Variants in ENPP6 observed in about 807,000 individuals in gnomAD.
ENPP6 encodes glycerophosphocholine cholinephosphodiesterase ENPP6.
A neutral mutation model predicts 42.0 loss-of-function variants in ENPP6; 32 were observed. That is an observed-to-expected ratio of 0.76 (90% CI 0.58 to 1.02). The LOEUF is 1.02. Among genes scored for constraint, ENPP6 ranks in the 50% least tolerant of loss-of-function variants. ENPP6 has a pLI of 0.00. For missense variants in ENPP6, 552 were observed against 566.8 expected (o/e 0.97, Z 0.27); for synonymous variants, 213 against 216.0 (o/e 0.99, Z 0.12).
At chr4:184,148,059 T>C (rs146203499) in intron 2 of ENPP6, among the ~76,000 whole-genome samples, 66 of 152,346 alleles carry the variant, frequency 4.3e-4, no homozygotes, top group Non-Finnish European at 8.1e-4. Context: ...TATTAGATGA[T>C]GTCATCATGC....
intron 6 of ENPP6, among the ~76,000 whole-genome samples, chr4:184,099,548 T>C (rs1735965749): frequency 6.6e-6 from 1 of 152,202 alleles, no homozygotes; most frequent in African/African-American, 2.4e-5. Flanking sequence ...CCGGGCAGTA[T>C]GCAGCCGGGC....
Position 184,122,393 on chromosome 4 carries a change from C to T in ENPP6, c.533+1768G>A, listed in dbSNP as rs147680406. Among the ~76,000 whole-genome samples, 303 of 143,410 alleles carry T rather than the reference C, an allele frequency of 2.1e-3. 1 individual carries two copies. The highest frequency in any genetic ancestry group is 3.8e-3 in the Middle Eastern group (1 of 266). 94.1% of individuals were successfully genotyped at this position (143,410 alleles called of 152,430 possible). On this transcript the variant is annotated intron_variant, in intron 3 of 7. Transcript: ENST00000296741. ...GGTGGAACCCAATACCTATGGTAGA[C>T]ACACACTCATACACCACCACCACCA...
chr4:184,123,990 T>G (rs182165554), intron 3 of ENPP6, among the ~76,000 whole-genome samples, 171 bp downstream of exon 3: 4 of 152,324 alleles, frequency 2.6e-5, no homozygotes, highest in Admixed American at 2.0e-4. Context: ...CTGCCTGAAA[T>G]CACTTGCTCA....
chr4:184,097,423 G>A (rs1399555571), intron 6 of ENPP6, 55 bp from the exon 7 acceptor site: 6 of 1,602,696 alleles, frequency 3.7e-6, no homozygotes, highest in South Asian at 3.3e-5. Context: ...GGCGCTGAGC[G>A]GGCATCTGCT....
chr4:184,209,126 A>C (rs1440587920), intron 1 of ENPP6, among the ~76,000 whole-genome samples: 22 of 151,090 alleles, frequency 1.5e-4, no homozygotes, highest in African/African-American at 2.9e-4. Flanking sequence ...TAAAACCACA[A>C]AGATGGGGAA....
intron 1 of ENPP6, among the ~76,000 whole-genome samples, chr4:184,182,191 G>T (rs1036803686): frequency 8.0e-5 from 12 of 150,898 alleles, no homozygotes; most frequent in African/African-American, 2.7e-4. Flanking sequence ...CCATTAAAAA[G>T]TGGGCAAAGG....
intron 1 of ENPP6, among the ~76,000 whole-genome samples, chr4:184,158,459 A>G (rs1737209967): frequency 6.6e-6 from 1 of 152,250 alleles, no homozygotes; most frequent in South Asian, 2.1e-4. Context: ...GTTTGTCAAA[A>G]TATTGAAAAT....
At chr4:184,191,841 T>C (rs1732716059) in intron 1 of ENPP6, among the ~76,000 whole-genome samples, 1 of 152,234 alleles carries the variant, frequency 6.6e-6, no homozygotes, top group African/African-American at 2.4e-5. Flanking sequence ...TAATTACAGT[T>C]TATATACTGC....
chr4:184,109,085 C>G (rs1736155191), intron 6 of ENPP6, among the ~76,000 whole-genome samples: 1 of 152,198 alleles, frequency 6.6e-6, no homozygotes, highest in Non-Finnish European at 1.5e-5. Flanking sequence ...GTGGTGGGCA[C>G]CTGTAATCTC....
intron 2 of ENPP6, among the ~76,000 whole-genome samples, chr4:184,147,705 G>T (rs1736952028): frequency 6.6e-6 from 1 of 151,842 alleles, no homozygotes; most frequent in Non-Finnish European, 1.5e-5. Context: ...GGAAGCTGAG[G>T]TGTGAGTATC....
intron 1 of ENPP6, among the ~76,000 whole-genome samples, chr4:184,191,399 C>T (rs745997034): frequency 2.6e-5 from 4 of 152,204 alleles, no homozygotes; most frequent in Non-Finnish European, 5.9e-5. Context: ...GGGAAATGTA[C>T]GTTCTGCTCC....
At chr4:184,215,068 C>T (rs933124682) in intron 1 of ENPP6, among the ~76,000 whole-genome samples, 8 of 152,178 alleles carry the variant, frequency 5.3e-5, no homozygotes, top group African/African-American at 4.8e-5. Context: ...GAAATCCCGG[C>T]CTGATGCAGC....
chr4:184,203,713 G>A lies in ENPP6; in HGVS notation c.241+13866C>T, dbSNP rs1050198569. Reference sequence around the variant, plus strand: ...CTTCAGAGAGAACACGGCCCTGCCCGCACCTGGATTTCAGACTTTGGGAAT... The same window carrying A: ...CTTCAGAGAGAACACGGCCCTGCCCACACCTGGATTTCAGACTTTGGGAAT... On this transcript the variant is annotated intron_variant, in intron 1 of 7. Transcript: ENST00000296741. Among the ~76,000 whole-genome samples the A allele has an allele frequency of 3.3e-5, 5 of 152,158 alleles. No individual in the cohort carries two copies. In the South Asian group the frequency reaches 6.2e-4, roughly 19 times the overall value.
intron 6 of ENPP6, among the ~76,000 whole-genome samples, chr4:184,105,646 A>G (rs999901855): frequency 9.2e-5 from 14 of 152,210 alleles, no homozygotes; most frequent in Non-Finnish European, 1.3e-4. Context: ...GATAGCCACT[A>G]TTGTTATGGT....
chr4:184,193,010 T>C (rs1732730196), intron 1 of ENPP6, among the ~76,000 whole-genome samples: 1 of 152,198 alleles, frequency 6.6e-6, no homozygotes, highest in South Asian at 2.1e-4. Flanking sequence ...GTTGTGGAGA[T>C]GTCAGAACCT....
rs1737482078 is a variant in ENPP6 at position 184,172,273 on chromosome 4, A to G, written c.242-18540T>C. Among the ~76,000 whole-genome samples, 2 of 152,140 alleles carry G rather than the reference A, an allele frequency of 1.3e-5. 1 individual carries two copies. Among genetic ancestry groups the G allele is most frequent in the East Asian group, 3.8e-4 (2 of 5,206 alleles). On this transcript the variant is annotated intron_variant, in intron 1 of 7. Coordinates refer to ENST00000296741, the MANE Select transcript of ENPP6 (RefSeq NM_153343.4). The stretch of plus-strand genomic sequence containing the variant: ...GTCTTCCTTATAGAAAGGTGCCTCT[A>G]GGGACTTCTCAGGATGGGAGGTGTT...
In ENPP6 at chr4:184,168,902, C is replaced by A. The variant is rs1044611764; in HGVS notation, c.242-15169G>T. Among the ~76,000 whole-genome samples the A allele has an allele frequency of 2.0e-5, 3 of 152,260 alleles. No homozygotes were observed. In the East Asian group the frequency reaches 5.8e-4, roughly 29 times the overall value. On this transcript the variant is annotated intron_variant, in intron 1 of 7. Coordinates refer to ENST00000296741, the MANE Select transcript of ENPP6 (RefSeq NM_153343.4). ...TGGCTGGGAGTCTCGTGCTGTGCCC[C>A]CCGCTTCCTCATTCCCCCACCCCAC...
At chr4:184,131,252 C>CTCTT (rs1553996058) in intron 2 of ENPP6, among the ~76,000 whole-genome samples, 846 of 81,052 alleles carry the variant, frequency 0.01, 113 homozygotes, top group African/African-American at 0.045. Flanking sequence ...TTCTTTCTTT[C>CTCTT]TCTTTCTCTT....
In ENPP6 at chr4:184,089,959, G is replaced by A. The variant is rs189155055; in HGVS notation, c.*1218C>T. The A allele has an allele frequency of 6.6e-6, 1 of 152,080 alleles. No homozygotes were observed. The highest frequency in any genetic ancestry group is 1.5e-5 in the Non-Finnish European group (1 of 68,014). The allele number at this position is 152,080 out of a possible 1,614,324, so 9.4% of individuals were successfully genotyped here. A position where few individuals can be genotyped will look rare whatever the true frequency, so the allele number is the denominator to read the frequency against. Reference sequence around the variant, plus strand: ...TCAGGCTCAGTGGCTCTTCTCAAAGGTATCAAAAGAACTTAGGTCTCAAAG... The same window carrying A: ...TCAGGCTCAGTGGCTCTTCTCAAAGATATCAAAAGAACTTAGGTCTCAAAG... On this transcript the variant is annotated 3_prime_UTR_variant, in exon 8 of 8. Transcript: ENST00000296741.
Sources: allele counts gnomAD v4.1 joint callset (sites outside exome capture counted in the v4.1 genomes callset), GRCh38; gene constraint gnomAD v4.1.1; transcripts MANE v1.5; gene names NCBI Gene and HGNC (gene_info 2026-07-23, HGNC 2026-07-21).